PTPRN2: variants seen among roughly 807,000 people sequenced by gnomAD.
PTPRN2 encodes protein tyrosine phosphatase receptor type N2.
In PTPRN2, 74 loss-of-function variants were observed where a neutral mutation model predicts 118.8. The observed-to-expected ratio is 0.62, with a 90% CI of 0.52 to 0.76. The LOEUF is 0.76. Ranked by LOEUF, PTPRN2 falls within the 30% of genes least tolerant of loss-of-function variation. The probability of loss-of-function intolerance (pLI) is 0.00; values close to 1 mark genes in which losing one functional copy is unlikely to be tolerated. For synonymous variants in PTPRN2, 641 were observed against 608.0 expected, an observed-to-expected ratio of 1.05 and a Z score of -0.80; for missense variants, 1,481 against 1,394.4, an observed-to-expected ratio of 1.06 and a Z score of -0.99.
rs184698272 is a variant in PTPRN2 at position 158,299,324 on chromosome 7, G to A, written c.277+17495C>T. Among the ~76,000 whole-genome samples, 1,194 of 148,388 alleles carry A rather than the reference G, an allele frequency of 8.0e-3. 23 individuals carry two copies. Among genetic ancestry groups the A allele is most frequent in the African/African-American group, 0.028 (1,108 of 40,228 alleles). On this transcript the variant is annotated intron_variant, in intron 3 of 22. Transcript: ENST00000389418. Reference sequence around the variant, plus strand: ...AATTTTTTTTTTTTTTTGAGATGGAGTCTCACTCTGTTGCCCAGGCTGGAG... The same window carrying A: ...AATTTTTTTTTTTTTTTGAGATGGAATCTCACTCTGTTGCCCAGGCTGGAG...
intron 2 of PTPRN2, among the ~76,000 whole-genome samples, chr7:158,364,293 G>C (rs1455404828): frequency 6.8e-6 from 1 of 146,618 alleles, no homozygotes; most frequent in Non-Finnish European, 1.5e-5. Flanking sequence ...CTCTCGCCAT[G>C]CTTCCCACAG....
intron 4 of PTPRN2, among the ~76,000 whole-genome samples, chr7:158,195,956 C>T (rs1826178005): frequency 6.6e-6 from 1 of 152,156 alleles, no homozygotes; most frequent in South Asian, 2.1e-4. Context: ...CAGTTCAACC[C>T]TCTCGGTTCT....
chr7:157,789,761 T>C (rs866442728), intron 12 of PTPRN2, among the ~76,000 whole-genome samples: 2 of 144,264 alleles, frequency 1.4e-5, no homozygotes, highest in Non-Finnish European at 3.0e-5. Flanking sequence ...GTGTGGGGTA[T>C]ATGTGTGGTG....
chr7:158,106,020 CTCTT>C (rs1478910199), intron 10 of PTPRN2, among the ~76,000 whole-genome samples: 2 of 152,058 alleles, frequency 1.3e-5, no homozygotes, highest in Non-Finnish European at 2.9e-5. Context: ...ATCCCCATCT[CTCTT>C]CTGTTTTATT....
chr7:158,212,083 A>T (rs1827640157), intron 3 of PTPRN2, among the ~76,000 whole-genome samples: 1 of 152,234 alleles, frequency 6.6e-6, no homozygotes, highest in Non-Finnish European at 1.5e-5. Context: ...GGAACTGAAA[A>T]TCATTATGTT....
chr7:157,839,942 GCGTGTGACTGTGTGGCCA>G (rs1219021612), intron 12 of PTPRN2, among the ~76,000 whole-genome samples: 1 of 150,672 alleles, frequency 6.6e-6, no homozygotes, highest in East Asian at 2.0e-4. Flanking sequence ...GTGTGTGACT[GCGTGTGACTGTGTGGCCA>G]CGTGTGACTG....
intron 1 of PTPRN2, among the ~76,000 whole-genome samples, chr7:158,554,655 T>C (rs1826858181): frequency 6.6e-6 from 1 of 152,202 alleles, no homozygotes; most frequent in Non-Finnish European, 1.5e-5. Flanking sequence ...CCAACTCTGC[T>C]AGTCGCGGCT....
Position 158,490,990 on chromosome 7 carries a change from T to G in PTPRN2, c.113-1205A>C, listed in dbSNP as rs532939330. ...GGAGCAAATGGGTGAACAAAGAAAC[T>G]GAGGAATCTGGAGAAAGTTATGAAT... On this transcript the variant is annotated intron_variant, in intron 1 of 22. Coordinates refer to ENST00000389418, the MANE Select transcript of PTPRN2 (RefSeq NM_002847.5). Among the ~76,000 whole-genome samples the G allele has an allele frequency of 7.3e-4, 111 of 152,304 alleles. No homozygotes were observed. In the Middle Eastern group the frequency reaches 0.01, roughly 14 times the overall value.
chr7:157,660,408 T>C (rs1795829787), intron 13 of PTPRN2, among the ~76,000 whole-genome samples: 1 of 152,180 alleles, frequency 6.6e-6, no homozygotes, highest in Non-Finnish European at 1.5e-5. Context: ...CTGAGGTCCC[T>C]GCTGCACCAC....
At position 157,548,961 on chromosome 7, in the gene PTPRN2, G is replaced by A. The variant is rs1176289861; in HGVS notation, c.2961C>T (p.Gly987=). 1 of 1,614,000 alleles carries A rather than the reference G, an allele frequency of 6.2e-7. No homozygotes were observed. The highest frequency in any genetic ancestry group is 1.3e-5 in the African/African-American group (1 of 74,924). ...TLEHLRDQRP[G]MVQTKEQFEF... ...CTGACAGTACCTTCGTCTGGACCAT[G>A]CCGGGTCTCTGGTCCCTCAAGTGCT... Residue 987 remains glycine, a synonymous_variant, in exon 22 of 23, where the codon GGC becomes GGT. Transcript: ENST00000389418.
At chr7:158,230,313 G>T (rs750409664) in intron 3 of PTPRN2, among the ~76,000 whole-genome samples, 1 of 152,132 alleles carries the variant, frequency 6.6e-6, no homozygotes, top group Admixed American at 6.5e-5. Context: ...ATATTTGAAG[G>T]TATAAAACAC....
rs1805264133 is a variant in PTPRN2, at chr7:157,801,066, CACATATATAT to C, written c.1788+97597_1788+97606del. On this transcript the variant is annotated intron_variant, in intron 12 of 22. Transcript: ENST00000389418. This position sits in a 1 kb window ranked among gnomAD's most constrained non-coding sequence, Gnocchi z 4.2. ...ATACACATATATACACATATATATA[CACATATATAT>C]ACACACACACACACATATATATATG... 6.8e-6 allele frequency among the ~76,000 whole-genome samples: 1 copy of C among 146,964 alleles called. No individual in the cohort carries two copies. The highest frequency in any genetic ancestry group is 2.5e-5 in the African/African-American group (1 of 39,540).
chr7:157,550,404 C>G lies in PTPRN2; in HGVS notation c.2903-1385G>C, dbSNP rs1011734335. ...GGCCTGGGGAGGACACACGTTGGAA[C>G]CAAATGTCATGTTTGCATGAAGGGA... On this transcript the variant is annotated intron_variant, in intron 21 of 22. Coordinates refer to ENST00000389418, the MANE Select transcript of PTPRN2 (RefSeq NM_002847.5). The surrounding 1 kb of genome is among the most constrained non-coding windows in gnomAD (Gnocchi z 5.2). 6.6e-6 allele frequency among the ~76,000 whole-genome samples: 1 copy of G among 152,192 alleles called. No homozygotes were observed. The highest frequency in any genetic ancestry group is 2.4e-5 in the African/African-American group (1 of 41,446).
At chr7:157,544,976 C>G (rs1180081656) in intron 22 of PTPRN2, among the ~76,000 whole-genome samples, 1 of 135,302 alleles carries the variant, frequency 7.4e-6, no homozygotes, top group Non-Finnish European at 1.6e-5. Flanking sequence ...GTGTGCACAG[C>G]TGTGCAGGTG....
chr7:158,234,247 T>C (rs1319577660), intron 3 of PTPRN2, among the ~76,000 whole-genome samples: 4 of 147,898 alleles, frequency 2.7e-5, no homozygotes, highest in Non-Finnish European at 4.5e-5. Context: ...CCAGAATATA[T>C]AAAGAGCTCA....
chr7:157,735,893 C>G, intron 12 of PTPRN2, among the ~76,000 whole-genome samples: 1 of 152,218 alleles, frequency 6.6e-6, no homozygotes, highest in East Asian at 1.9e-4. Context: ...GCGATCGGCA[C>G]ATGCCTCAAG....
intron 1 of PTPRN2, among the ~76,000 whole-genome samples, chr7:158,547,564 G>A (rs967926602): frequency 4.6e-5 from 7 of 152,318 alleles, no homozygotes; most frequent in East Asian, 3.9e-4. Context: ...GGCTCTTTGC[G>A]TCTATTTTTA....
rs1366818793 is a variant in PTPRN2, at chr7:158,442,075, AGTG to A, written c.163+47657_163+47659del. Among the ~76,000 whole-genome samples the A allele has an allele frequency of 1.6e-4, 22 of 135,504 alleles. No homozygotes were observed. In the East Asian group the frequency reaches 2.1e-3, roughly 13 times the overall value. 88.9% of individuals were successfully genotyped at this position (135,504 alleles called of 152,430 possible). ...TGGTGATGGTGATGGCAGTGGTGGC[AGTG>A]GTGGTGATGGTGATAGTGATGGTCA... is the stretch of plus-strand genomic sequence containing the variant. On this transcript the variant is annotated intron_variant, in intron 2 of 22. Transcript: ENST00000389418.
rs1802985621 is a variant in PTPRN2 at position 157,619,054 on chromosome 7, G to T, written c.2344+2308C>A. ...TGTGGCCACCCTGTTGGCACCGGCT[G>T]CTACCTGGGGAGGCTGCCTGTGTCC... is the stretch of plus-strand genomic sequence containing the variant. On this transcript the variant is annotated intron_variant, in intron 15 of 22. Transcript: ENST00000389418. This position sits in a 1 kb window ranked among gnomAD's most constrained non-coding sequence, Gnocchi z 5.3. 6.6e-6 allele frequency among the ~76,000 whole-genome samples: 1 copy of T among 152,064 alleles called. No homozygotes were observed. Among genetic ancestry groups the T allele is most frequent in the Non-Finnish European group, 1.5e-5 (1 of 68,018 alleles).
Sources: gnomAD v4.1 joint callset for allele counts (sites outside exome capture counted in the v4.1 genomes callset) on GRCh38, gnomAD v4.1.1 for gene constraint, Gnocchi (gnomAD v3.1) non-coding constraint, MANE v1.5 for transcripts, NCBI Gene and HGNC (gene_info 2026-07-23, HGNC 2026-07-21) for gene names.